ETV6: variants seen among roughly 807,000 people sequenced by gnomAD.
The protein encoded by ETV6 is ETS variant transcription factor 6, also known as transcription factor ETV6.
In ETV6, 16 loss-of-function variants were observed where a neutral mutation model predicts 51.1. That is an observed-to-expected ratio of 0.31 (90% CI 0.21 to 0.48). ETV6 has a LOEUF of 0.48. ETV6 is among the 20% of genes least tolerant of loss of function. The pLI is 0.99. For synonymous variants in ETV6, 240 were observed against 224.1 expected (o/e 1.07, Z -0.64); for missense variants, 458 against 594.8 (o/e 0.77, Z 2.39).
chr12:11,676,433 G>A (rs1317338823), intron 1 of ETV6, among the ~76,000 whole-genome samples: 4 of 152,316 alleles, frequency 2.6e-5, no homozygotes, highest in African/African-American at 7.2e-5. Flanking sequence ...AAGGCCCTGC[G>A]TGATCTGGCC....
chr12:11,829,994 TG>T, intron 2 of ETV6, among the ~76,000 whole-genome samples: 1 of 152,052 alleles, frequency 6.6e-6, no homozygotes, highest in Non-Finnish European at 1.5e-5. Context: ...AAGGCTGGCC[TG>T]GGGGTTTTGA....
chr12:11,737,917 G>C (rs1865734305), intron 1 of ETV6, among the ~76,000 whole-genome samples: 1 of 152,218 alleles, frequency 6.6e-6, no homozygotes. Flanking sequence ...AAGTAAATGA[G>C]TGTGTTTGTT....
intron 2 of ETV6, among the ~76,000 whole-genome samples, chr12:11,791,926 A>T (rs1945601939): frequency 6.6e-6 from 1 of 152,206 alleles, no homozygotes; most frequent in African/African-American, 2.4e-5. Context: ...CAGTAGCAAA[A>T]CAGAGCTTCC....
At chr12:11,739,076 AAG>A (rs576287649) in intron 1 of ETV6, among the ~76,000 whole-genome samples, 1 of 152,088 alleles carries the variant, frequency 6.6e-6, no homozygotes, top group Non-Finnish European at 1.5e-5. Context: ...TTTTTAAAAA[AAG>A]AGAGAGAGAG....
intron 1 of ETV6, among the ~76,000 whole-genome samples, chr12:11,703,027 G>T (rs901583676): frequency 6.6e-6 from 1 of 152,138 alleles, no homozygotes; most frequent in Non-Finnish European, 1.5e-5. Flanking sequence ...GATGACCTGA[G>T]TCCGGAGAGG....
intron 4 of ETV6, among the ~76,000 whole-genome samples, chr12:11,862,710 T>G (rs1591728936): frequency 6.6e-6 from 1 of 152,342 alleles, no homozygotes; most frequent in East Asian, 1.9e-4. Context: ...GACCTCATCC[T>G]AACTAATTAC....
At chr12:11,686,862 T>C (rs1296100466) in intron 1 of ETV6, among the ~76,000 whole-genome samples, 1 of 152,190 alleles carries the variant, frequency 6.6e-6, no homozygotes, top group Non-Finnish European at 1.5e-5. Context: ...TCTTAAAATT[T>C]AAGTTTGCTT....
chr12:11,855,799 T>C (rs942799776), intron 4 of ETV6, among the ~76,000 whole-genome samples: 1 of 152,144 alleles, frequency 6.6e-6, no homozygotes, highest in Non-Finnish European at 1.5e-5. Flanking sequence ...ATTTAGCAGC[T>C]GCCCTCCTCC....
chr12:11,867,503 G>A (rs1293811429), intron 4 of ETV6, among the ~76,000 whole-genome samples: 2 of 152,098 alleles, frequency 1.3e-5, no homozygotes, highest in Non-Finnish European at 2.9e-5. Flanking sequence ...TGCCTTCAAG[G>A]AGATGATCTT....
intron 5 of ETV6, among the ~76,000 whole-genome samples, chr12:11,878,671 G>A (rs775490372): frequency 2.0e-5 from 3 of 151,808 alleles, no homozygotes; most frequent in East Asian, 1.9e-4. Context: ...GCGTGCCACC[G>A]TGCACATATG....
intron 2 of ETV6, among the ~76,000 whole-genome samples, chr12:11,782,077 T>C (rs1945422058): frequency 6.6e-6 from 1 of 152,250 alleles, no homozygotes; most frequent in African/African-American, 2.4e-5. Context: ...ACAATGGTAC[T>C]ACATATCAAT....
At chr12:11,823,804 T>C (rs1315170498) in intron 2 of ETV6, among the ~76,000 whole-genome samples, 3 of 151,990 alleles carry the variant, frequency 2.0e-5, no homozygotes, top group African/African-American at 7.2e-5. Flanking sequence ...TTCACTAGAA[T>C]CGTTCCTTAG....
chr12:11,687,858 G>T (rs1231912576), intron 1 of ETV6, among the ~76,000 whole-genome samples: 1 of 152,200 alleles, frequency 6.6e-6, no homozygotes, highest in Non-Finnish European at 1.5e-5. Context: ...AAAGCACAGA[G>T]AAAGTTTGCT....
At chr12:11,851,155 A>T (rs960141431) in intron 3 of ETV6, among the ~76,000 whole-genome samples, 1 of 151,788 alleles carries the variant, frequency 6.6e-6, no homozygotes, top group Non-Finnish European at 1.5e-5. Flanking sequence ...GGTTAAGTGA[A>T]CCAAGCTGAA....
At chr12:11,807,065 C>G (rs1349362511) in intron 2 of ETV6, among the ~76,000 whole-genome samples, 1 of 152,226 alleles carries the variant, frequency 6.6e-6, no homozygotes, top group Non-Finnish European at 1.5e-5. Flanking sequence ...TTTAAAGATG[C>G]AGACAGATTC....
At chr12:11,694,492 A>G (rs2120810427) in intron 1 of ETV6, among the ~76,000 whole-genome samples, 1 of 152,312 alleles carries the variant, frequency 6.6e-6, no homozygotes. Context: ...GTAATGCTCA[A>G]TATATTTTTC....
chr12:11,789,284 A>G (rs1367251968), intron 2 of ETV6, among the ~76,000 whole-genome samples: 3 of 152,112 alleles, frequency 2.0e-5, no homozygotes, highest in African/African-American at 4.8e-5. Context: ...CGCCCGCCTC[A>G]GCCTCCCAAA....
intron 1 of ETV6, among the ~76,000 whole-genome samples, chr12:11,721,375 T>C (rs1236505344): frequency 6.6e-6 from 1 of 152,206 alleles, no homozygotes; most frequent in African/African-American, 2.4e-5. Flanking sequence ...CATGGAATAC[T>C]TTGCAGCCAT....
At chr12:11,815,812 G>A (rs910378964) in intron 2 of ETV6, among the ~76,000 whole-genome samples, 1 of 152,124 alleles carries the variant, frequency 6.6e-6, no homozygotes, top group Non-Finnish European at 1.5e-5. Context: ...CAGAGGGACA[G>A]TATGCTGGGT....
Sources: gnomAD v4.1 joint callset for allele counts (sites outside exome capture counted in the v4.1 genomes callset) on GRCh38, gnomAD v4.1.1 for gene constraint, MANE v1.5 for transcripts, NCBI Gene and HGNC (gene_info 2026-07-23, HGNC 2026-07-21) for gene names.